The following LSAMP variants were observed in gnomAD, a reference collection of about 807,000 sequenced individuals.
The protein encoded by LSAMP is limbic system-associated membrane protein.
Under a neutral mutation model 38.6 loss-of-function variants are expected in LSAMP, and 7 were observed. The observed-to-expected ratio is 0.18, with a 90% CI of 0.10 to 0.34. LSAMP has a LOEUF of 0.34. Ranked by LOEUF, LSAMP falls within the 10% of genes least tolerant of loss-of-function variation. LSAMP has a pLI of 1.00. For missense variants in LSAMP, 313 were observed against 420.0 expected (o/e 0.75, Z 2.23); for synonymous variants, 154 against 166.8 (o/e 0.92, Z 0.59).
chr3:116,176,021 A>G (rs573242261), intron 1 of LSAMP, among the ~76,000 whole-genome samples: 7 of 152,218 alleles, frequency 4.6e-5, no homozygotes, highest in African/African-American at 1.7e-4. Context: ...CCAATTTAAC[A>G]CTTTACTTGA....
intron 2 of LSAMP, 33 bp from the exon 3 acceptor site, chr3:116,019,673 C>G (rs760299462): frequency 6.2e-7 from 1 of 1,602,886 alleles, no homozygotes; most frequent in Non-Finnish European, 8.5e-7. Context: ...AATATGTAAC[C>G]ATGTCAGTAA....
chr3:116,263,759 A>G (rs2046860437), intron 1 of LSAMP, among the ~76,000 whole-genome samples: 1 of 152,192 alleles, frequency 6.6e-6, no homozygotes, highest in Non-Finnish European at 1.5e-5. Flanking sequence ...ATTAATGGTT[A>G]TATCCACTAA....
intron 6 of LSAMP, chr3:115,816,750 G>C: frequency 1.9e-6 from 1 of 532,478 alleles, no homozygotes; most frequent in South Asian, 1.8e-5. Flanking sequence ...AGGCGAATAA[G>C]AGAAAAGGAG....
chr3:115,909,728 C>T (rs1043359804), intron 3 of LSAMP, among the ~76,000 whole-genome samples: 4 of 152,090 alleles, frequency 2.6e-5, no homozygotes, highest in African/African-American at 4.8e-5. Flanking sequence ...TAAAGCTTGA[C>T]GTGTTGCAAA....
intron 1 of LSAMP, among the ~76,000 whole-genome samples, chr3:116,321,761 T>C (rs2047709864): frequency 6.6e-6 from 1 of 152,230 alleles, no homozygotes; most frequent in Admixed American, 6.5e-5. Flanking sequence ...CTTCTAGAAC[T>C]GTCCTTCTCC....
intron 1 of LSAMP, among the ~76,000 whole-genome samples, chr3:116,255,575 G>T (rs2046739611): frequency 6.6e-6 from 1 of 152,178 alleles, no homozygotes; most frequent in African/African-American, 2.4e-5. Context: ...GAGAAGTGAA[G>T]TGGAAGCCAA....
intron 6 of LSAMP, among the ~76,000 whole-genome samples, chr3:115,814,882 G>A (rs1201241786): frequency 6.6e-6 from 1 of 152,138 alleles, no homozygotes; most frequent in Non-Finnish European, 1.5e-5. Flanking sequence ...TCTGCCTCCC[G>A]TAGCATCTAG....
chr3:116,203,850 G>T (rs184585776), intron 1 of LSAMP, among the ~76,000 whole-genome samples: 6 of 151,970 alleles, frequency 3.9e-5, no homozygotes, highest in Non-Finnish European at 5.9e-5. Context: ...GAATAATGCC[G>T]CAATAAACAT....
intron 2 of LSAMP, among the ~76,000 whole-genome samples, chr3:116,074,462 C>T (rs1707684949): frequency 6.6e-6 from 1 of 152,098 alleles, no homozygotes; most frequent in Non-Finnish European, 1.5e-5. Context: ...ACCACTTTGC[C>T]CAAAACCATT....
intron 1 of LSAMP, among the ~76,000 whole-genome samples, chr3:116,129,161 T>C (rs1709071356): frequency 6.6e-6 from 1 of 151,754 alleles, no homozygotes. Context: ...CAATGAGGAG[T>C]GTTAATAAAA....
At chr3:116,365,922 A>G (rs1391025599) in intron 1 of LSAMP, among the ~76,000 whole-genome samples, 13 of 97,040 alleles carry the variant, frequency 1.3e-4, no homozygotes, top group Non-Finnish European at 2.2e-4. Context: ...TAGATGACAC[A>G]TTAGTGGGTG....
intron 1 of LSAMP, among the ~76,000 whole-genome samples, chr3:116,279,908 T>A (rs76401299): frequency 6.6e-6 from 1 of 152,192 alleles, no homozygotes. Flanking sequence ...TAAATGTTAA[T>A]AATACATTGA....
At chr3:116,010,562 G>A (rs1350567812) in intron 3 of LSAMP, among the ~76,000 whole-genome samples, 1 of 152,182 alleles carries the variant, frequency 6.6e-6, no homozygotes, top group Non-Finnish European at 1.5e-5. Flanking sequence ...TAATAAATGG[G>A]TGATAAAAGA....
intron 1 of LSAMP, among the ~76,000 whole-genome samples, chr3:116,155,883 G>T (rs1270870559): frequency 6.6e-6 from 1 of 151,996 alleles, no homozygotes; most frequent in Non-Finnish European, 1.5e-5. Flanking sequence ...ATATCAGCTG[G>T]GTCCATGATG....
intron 3 of LSAMP, among the ~76,000 whole-genome samples, chr3:115,973,922 G>A (rs535717494): frequency 8.5e-5 from 13 of 152,248 alleles, no homozygotes; most frequent in South Asian, 2.1e-4. Context: ...TTTGAATTTT[G>A]AATTTTTGAA....
rs1400903499 is a variant in LSAMP at position 116,006,238 on chromosome 3, G to A, written c.514+13277C>T. Reference sequence around the variant, plus strand: ...GTGGGACTAGTGCTCTTTTAAGAGGGGACACCAGAGAGTTTGCTCACTGTC... The same window carrying A: ...GTGGGACTAGTGCTCTTTTAAGAGGAGACACCAGAGAGTTTGCTCACTGTC... On this transcript the variant is annotated intron_variant, in intron 3 of 6. Coordinates refer to ENST00000490035, the MANE Select transcript of LSAMP (RefSeq NM_002338.5). Among the ~76,000 whole-genome samples the A allele has an allele frequency of 3.9e-5, 6 of 152,036 alleles. No individual in the cohort carries two copies. In the East Asian group the frequency reaches 9.7e-4, roughly 24 times the overall value.
intron 2 of LSAMP, among the ~76,000 whole-genome samples, chr3:116,083,543 G>A (rs1482890347): frequency 6.6e-6 from 1 of 152,164 alleles, no homozygotes; most frequent in Non-Finnish European, 1.5e-5. Flanking sequence ...GCTATTCTTT[G>A]GTGATATCTC....
chr3:116,025,555 C>CT (rs1416781514), intron 2 of LSAMP, among the ~76,000 whole-genome samples: 1 of 151,976 alleles, frequency 6.6e-6, no homozygotes, highest in Non-Finnish European at 1.5e-5. Context: ...TCAATTTCTT[C>CT]TTTTTATTTT....
At chr3:115,928,218 T>C (rs1937522361) in intron 3 of LSAMP, among the ~76,000 whole-genome samples, 1 of 152,242 alleles carries the variant, frequency 6.6e-6, no homozygotes, top group Admixed American at 6.5e-5. Flanking sequence ...GTCTTTTTAC[T>C]TTTTACTTTA....
Sources: gnomAD v4.1 joint callset for allele counts (sites outside exome capture counted in the v4.1 genomes callset) on GRCh38, gnomAD v4.1.1 for gene constraint, MANE v1.5 for transcripts, NCBI Gene and HGNC (gene_info 2026-07-23, HGNC 2026-07-21) for gene names.